Variants in NCOA1 observed in about 807,000 individuals in gnomAD.
NCOA1 encodes the protein Hin-2 protein.
NCOA1 carries 35 observed loss-of-function variants against 150.9 expected under a neutral mutation model. The ratio of observed to expected loss-of-function variants is 0.23; its 90% CI spans 0.18 to 0.31. The LOEUF (loss-of-function observed/expected upper bound fraction) is 0.31. NCOA1 is among the 10% of genes least tolerant of loss of function. The probability of loss-of-function intolerance (pLI) is 1.00; values close to 1 mark genes in which losing one functional copy is unlikely to be tolerated. For missense variants in NCOA1, 1,491 were observed against 1,749.3 expected, an observed-to-expected ratio of 0.85 and a Z score of 2.63; for synonymous variants, 590 against 630.0, an observed-to-expected ratio of 0.94 and a Z score of 0.95.
chr2:24,757,327 A>C (rs149488786), intron 20 of NCOA1, among the ~76,000 whole-genome samples: 1 of 152,244 alleles, frequency 6.6e-6, no homozygotes, highest in Non-Finnish European at 1.5e-5. Flanking sequence ...GCACAGATAC[A>C]GTAAACCATT....
chr2:24,742,237 G>GTC, intron 19 of NCOA1, 51 bp downstream of exon 19: 1 of 1,535,316 alleles, frequency 6.5e-7, no homozygotes, highest in Middle Eastern at 1.8e-4. Context: ...ACAGGCTTAG[G>GTC]TCTCTCTCCA....
rs1409917706 is a variant in NCOA1, at chr2:24,707,825, T to A, written c.2355T>A (p.Asn785Lys). 3 of 1,613,786 alleles carry A rather than the reference T, an allele frequency of 1.9e-6. No individual in the cohort carries two copies. Among genetic ancestry groups the A allele is most frequent in the Middle Eastern group, 1.6e-4 (1 of 6,062 alleles). The change falls in exon 13 of 23, where the codon AAT becomes AAA. Residue 785 changes from asparagine (N) to lysine (K), a missense_variant. This residue lies in a region of NCOA1 where 703 missense variants were observed against 717.7 expected (regional missense o/e 0.98). Coordinates refer to ENST00000348332, the MANE Select transcript of NCOA1 (RefSeq NM_003743.5). ...AGAAAGAACAGATGGATCCATGTAATACAAACCCAACCCCAATGACCAAAC... is the reference window on the plus strand; with the variant it reads ...AGAAAGAACAGATGGATCCATGTAAAACAAACCCAACCCCAATGACCAAAC... ...VEKKEQMDPCNTNPTPMTKPT... is the reference protein window; with the variant it reads ...VEKKEQMDPCKTNPTPMTKPT...
intron 1 of NCOA1, among the ~76,000 whole-genome samples, chr2:24,542,662 C>T (rs999610601): frequency 2.0e-5 from 3 of 152,106 alleles, no homozygotes; most frequent in Non-Finnish European, 4.4e-5. Context: ...ATGTTGGTCT[C>T]TCTGCAAGTT....
At chr2:24,670,937 G>A (rs1671654109) in intron 6 of NCOA1, among the ~76,000 whole-genome samples, 2 of 152,178 alleles carry the variant, frequency 1.3e-5, no homozygotes. Flanking sequence ...CAGTGAGGAT[G>A]CAGAAGAGCA....
chr2:24,692,508 T>A (rs1319700557), intron 9 of NCOA1, among the ~76,000 whole-genome samples: 2 of 152,078 alleles, frequency 1.3e-5, no homozygotes, highest in Non-Finnish European at 2.9e-5. Context: ...TGCTTCAGAG[T>A]TAAAGGTTGT....
At chr2:24,571,438 C>T (rs554834728) in intron 2 of NCOA1, among the ~76,000 whole-genome samples, 306 of 152,234 alleles carry the variant, frequency 2.0e-3, no homozygotes, top group Non-Finnish European at 3.5e-3. Context: ...ACCAGGCTCT[C>T]TTCTCAGCAC....
intron 1 of NCOA1, among the ~76,000 whole-genome samples, chr2:24,516,971 T>TATATAC (rs1664213215): frequency 3.6e-5 from 2 of 55,620 alleles, no homozygotes; most frequent in African/African-American, 8.8e-5. Context: ...TATACGTATA[T>TATATAC]ATACACATAT....
intron 3 of NCOA1, among the ~76,000 whole-genome samples, chr2:24,636,745 G>A (rs1669954465): frequency 6.6e-6 from 1 of 151,856 alleles, no homozygotes; most frequent in Non-Finnish European, 1.5e-5. Context: ...ACTAGCTGTA[G>A]GTTTTTCATT....
At chr2:24,712,978 G>A (rs953750112) in intron 14 of NCOA1, among the ~76,000 whole-genome samples, 2 of 152,116 alleles carry the variant, frequency 1.3e-5, no homozygotes, top group East Asian at 1.9e-4. Flanking sequence ...GCCTGTAATC[G>A]TGCACTTTGG....
chr2:24,758,199 G>T, intron 21 of NCOA1, 43 bp downstream of exon 21: 1 of 1,506,960 alleles, frequency 6.6e-7, no homozygotes, highest in Non-Finnish European at 9.0e-7. Flanking sequence ...CCACATCACA[G>T]TTAATTCTGA....
rs1181121260 is a variant in NCOA1 at position 24,768,650 on chromosome 2, G to A, written c.*259G>A. Reference sequence around the variant, plus strand: ...AGAACAGTTGGACAATCTATTTCTTGAGCCAAATTTAATTATTCTTATTTT... The same window carrying A: ...AGAACAGTTGGACAATCTATTTCTTAAGCCAAATTTAATTATTCTTATTTT... On this transcript the variant is annotated 3_prime_UTR_variant, in exon 23 of 23. Coordinates refer to ENST00000348332, the MANE Select transcript of NCOA1 (RefSeq NM_003743.5). The A allele has an allele frequency of 3.6e-6, 1 of 277,508 alleles. No individual in the cohort carries two copies. The highest frequency in any genetic ancestry group is 5.6e-5 in the East Asian group (1 of 17,946). 17.2% of individuals were successfully genotyped at this position (277,508 alleles called of 1,614,324 possible).
chr2:24,754,004 A>G (rs758301252), intron 20 of NCOA1, among the ~76,000 whole-genome samples: 11 of 152,184 alleles, frequency 7.2e-5, no homozygotes, highest in African/African-American at 1.2e-4. Flanking sequence ...ATTTCAGTAA[A>G]TGACAATTCC....
chr2:24,571,834 A>C (rs1198530155), intron 2 of NCOA1, among the ~76,000 whole-genome samples: 2 of 152,212 alleles, frequency 1.3e-5, no homozygotes, highest in African/African-American at 2.4e-5. Flanking sequence ...CCAAAGGATC[A>C]AGTGTATTAT....
At chr2:24,708,675 G>A (rs1346484477) in intron 13 of NCOA1, among the ~76,000 whole-genome samples, 1 of 152,140 alleles carries the variant, frequency 6.6e-6, no homozygotes, top group Non-Finnish European at 1.5e-5. Context: ...AGCAGACAAT[G>A]TATGTACAAA....
chr2:24,681,092 GGA>G (rs1365100299), intron 7 of NCOA1, among the ~76,000 whole-genome samples: 3 of 150,894 alleles, frequency 2.0e-5, no homozygotes, highest in Non-Finnish European at 4.4e-5. Flanking sequence ...GGCTGGGCAT[GGA>G]GGCCCATGCC....
chr2:24,641,710 A>G (rs1054903548), intron 3 of NCOA1, among the ~76,000 whole-genome samples: 4 of 152,254 alleles, frequency 2.6e-5, no homozygotes, highest in Middle Eastern at 6.8e-3. Flanking sequence ...GTTGTTACCA[A>G]TGAGAAACCA....
chr2:24,769,374 CATTG>C lies in NCOA1; in HGVS notation c.*989_*992del, dbSNP rs1281864113. On this transcript the variant is annotated 3_prime_UTR_variant, in exon 23 of 23. Coordinates refer to ENST00000348332, the MANE Select transcript of NCOA1 (RefSeq NM_003743.5). ...TTCTAAATTTGTGTGTGAAATATAA[CATTG>C]ATTGAATTGCAGTTACATTTGGTTA... 5.3e-5 allele frequency: 10 copies of C among 187,458 alleles called. No homozygotes were observed. Among genetic ancestry groups the C allele is most frequent in the Admixed American group, 1.2e-4 (2 of 16,150 alleles). 11.6% of individuals were successfully genotyped at this position (187,458 alleles called of 1,614,324 possible).
chr2:24,659,719 A>G (rs570934261), intron 5 of NCOA1, among the ~76,000 whole-genome samples: 1 of 152,246 alleles, frequency 6.6e-6, no homozygotes, highest in South Asian at 2.1e-4. Flanking sequence ...TTCAAACTCC[A>G]CACTATTGAC....
At position 24,741,818 on chromosome 2, in the gene NCOA1, A is replaced by C; in HGVS notation, c.3338A>C (p.Gln1113Pro). 2 of 1,613,970 alleles carry C rather than the reference A, an allele frequency of 1.2e-6. No individual in the cohort carries two copies. The highest frequency in any genetic ancestry group is 1.7e-6 in the Non-Finnish European group (2 of 1,179,920). ...PLNAQMLAQR[Q>P]RELYSQQHRQ... ...AATGCTCAAATGTTGGCACAACGTC[A>C]GCGGGAACTGTACAGTCAACAGCAC... The change falls in exon 19 of 23, where the codon CAG (glutamine) becomes CCG (proline). Residue 1113 changes from glutamine to proline, a missense_variant. This residue lies in a region of NCOA1 where 485 missense variants were observed against 522.8 expected (regional missense o/e 0.93). Coordinates refer to ENST00000348332, the MANE Select transcript of NCOA1 (RefSeq NM_003743.5).
Sources: gnomAD v4.1 joint callset for allele counts (sites outside exome capture counted in the v4.1 genomes callset) on GRCh38, gnomAD v4.1.1 for gene constraint, gnomAD v4.1.1 regional missense constraint, MANE v1.5 for transcripts, NCBI Gene and HGNC (gene_info 2026-07-23, HGNC 2026-07-21) for gene names.